RIMS4: variants seen among roughly 807,000 people sequenced by gnomAD.
RIMS4 encodes the protein regulating synaptic membrane exocytosis protein 4.
RIMS4 carries 9 observed loss-of-function variants against 29.0 expected under a neutral mutation model. That is an observed-to-expected ratio of 0.31 (90% confidence interval 0.19 to 0.54). The LOEUF (loss-of-function observed/expected upper bound fraction) is 0.54, where lower values mean the gene tolerates loss of function less well. Ranked by LOEUF, RIMS4 falls within the 20% of genes least tolerant of loss-of-function variation. RIMS4 has a pLI of 0.94. For missense variants in RIMS4, 193 were observed against 365.7 expected (o/e 0.53, Z 3.85); for synonymous variants, 130 against 152.9 (o/e 0.85, Z 1.10).
chr20:44,787,411 T>C (rs1391825845), intron 1 of RIMS4, among the ~76,000 whole-genome samples: 1 of 152,208 alleles, frequency 6.6e-6, no homozygotes, highest in Non-Finnish European at 1.5e-5. Flanking sequence ...TTTGTTTATC[T>C]AATCCCCACA....
At chr20:44,772,965 C>G (rs1020371184) in intron 1 of RIMS4, among the ~76,000 whole-genome samples, 7 of 152,220 alleles carry the variant, frequency 4.6e-5, no homozygotes, top group African/African-American at 1.7e-4. Flanking sequence ...TACACACACA[C>G]ATGCATGCGT....
chr20:44,786,955 GA>G (rs1279582078), intron 1 of RIMS4, among the ~76,000 whole-genome samples: 1 of 152,138 alleles, frequency 6.6e-6, no homozygotes, highest in African/African-American at 2.4e-5. Context: ...ACAAGACAAG[GA>G]AAAACGAACT....
chr20:44,802,400 C>T (rs1273230307), intron 1 of RIMS4, among the ~76,000 whole-genome samples: 5 of 152,196 alleles, frequency 3.3e-5, no homozygotes, highest in African/African-American at 9.7e-5. Context: ...AACTTGCCTA[C>T]AGTCATACAA....
intron 1 of RIMS4, among the ~76,000 whole-genome samples, chr20:44,800,337 G>A (rs780178797): frequency 6.6e-6 from 1 of 151,974 alleles, no homozygotes; most frequent in Non-Finnish European, 1.5e-5. Flanking sequence ...GGTGCTGTTC[G>A]GCTTTTTTAC....
At chr20:44,789,527 G>T (rs2145469822) in intron 1 of RIMS4, among the ~76,000 whole-genome samples, 1 of 152,116 alleles carries the variant, frequency 6.6e-6, no homozygotes, top group East Asian at 1.9e-4. Context: ...CAATCTCCTG[G>T]CCTCGTGATC....
intron 2 of RIMS4, among the ~76,000 whole-genome samples, chr20:44,768,654 G>A (rs1271227817): frequency 2.0e-5 from 3 of 152,168 alleles, no homozygotes; most frequent in Non-Finnish European, 2.9e-5. Flanking sequence ...TTTTCAGGAG[G>A]CCAAGACTGT....
At chr20:44,787,533 G>A (rs1338181723) in intron 1 of RIMS4, among the ~76,000 whole-genome samples, 2 of 152,170 alleles carry the variant, frequency 1.3e-5, no homozygotes, top group South Asian at 2.1e-4. Context: ...AACACCGGCC[G>A]CCTGGAGCCA....
intron 1 of RIMS4, among the ~76,000 whole-genome samples, chr20:44,790,097 G>C (rs1391524819): frequency 6.6e-6 from 1 of 152,266 alleles, no homozygotes; most frequent in Non-Finnish European, 1.5e-5. Context: ...TCGCCTGGGA[G>C]CTTGTGAAGC....
In RIMS4 at chr20:44,755,830, G is replaced by C. The variant is rs8116735; in HGVS notation, c.*304C>G. 3.0e-6 allele frequency: 1 copy of C among 336,888 alleles called. No individual in the cohort carries two copies. The highest frequency in any genetic ancestry group is 2.0e-5 in the African/African-American group (1 of 49,146). 20.9% of individuals were successfully genotyped at this position (336,888 alleles called of 1,614,324 possible). On this transcript the variant is annotated 3_prime_UTR_variant, in exon 6 of 6. Transcript: ENST00000372851. ...AAGGGGGAGAAGTTGGACAGTTTGG[G>C]AAGGGAGAGTGGTCTGCTCTGCCAC...
intron 2 of RIMS4, among the ~76,000 whole-genome samples, chr20:44,762,993 A>G (rs1351278087): frequency 3.3e-5 from 5 of 152,204 alleles, no homozygotes; most frequent in African/African-American, 1.2e-4. Flanking sequence ...GTGCTGTCTC[A>G]GTTTCAAATG....
intron 1 of RIMS4, among the ~76,000 whole-genome samples, chr20:44,806,549 T>G (rs1378744963): frequency 1.3e-5 from 2 of 152,322 alleles, no homozygotes; most frequent in African/African-American, 4.8e-5. Flanking sequence ...CTATTAAAAT[T>G]ATAAAGCTAG....
At chr20:44,801,861 C>T (rs1301457508) in intron 1 of RIMS4, among the ~76,000 whole-genome samples, 1 of 152,160 alleles carries the variant, frequency 6.6e-6, no homozygotes, top group Non-Finnish European at 1.5e-5. Context: ...GTCCCAGCAT[C>T]TAAGACATCA....
At chr20:44,768,752 G>A (rs935575895) in intron 2 of RIMS4, among the ~76,000 whole-genome samples, 1 of 152,140 alleles carries the variant, frequency 6.6e-6, no homozygotes, top group Non-Finnish European at 1.5e-5. Flanking sequence ...TTTAGTAATC[G>A]TAATCCTCAC....
At chr20:44,789,020 C>T (rs1601037757) in intron 1 of RIMS4, among the ~76,000 whole-genome samples, 1 of 151,982 alleles carries the variant, frequency 6.6e-6, no homozygotes, top group African/African-American at 2.4e-5. Context: ...CCCAACCACA[C>T]TTAGTGTCAT....
At position 44,755,991 on chromosome 20, in the gene RIMS4, A is replaced by G; in HGVS notation, c.*143T>C. On this transcript the variant is annotated 3_prime_UTR_variant, in exon 6 of 6. Coordinates refer to ENST00000372851, the MANE Select transcript of RIMS4 (RefSeq NM_182970.4). The stretch of plus-strand genomic sequence containing the variant: ...CAAAGAAGGGGTGAGGAGGGGCCCA[A>G]GGGGGGGCAGGTCTCCCCGTTCTGC... 1.5e-6 allele frequency: 1 copy of G among 679,174 alleles called. No homozygotes were observed. The highest frequency in any genetic ancestry group is 2.5e-6 in the Non-Finnish European group (1 of 393,280). The allele number at this position is 679,174 out of a possible 1,614,324, so 42.1% of individuals were successfully genotyped here.
At chr20:44,781,021 A>G (rs897875187) in intron 1 of RIMS4, among the ~76,000 whole-genome samples, 8 of 152,212 alleles carry the variant, frequency 5.3e-5, no homozygotes, top group African/African-American at 1.9e-4. Context: ...CCAACAAAAT[A>G]TACATTTATT....
intron 1 of RIMS4, among the ~76,000 whole-genome samples, chr20:44,800,381 T>G (rs2066272737): frequency 6.6e-6 from 1 of 151,940 alleles, no homozygotes; most frequent in African/African-American, 2.4e-5. Flanking sequence ...AATAACAGCA[T>G]AAAGCATTAT....
At chr20:44,764,713 AC>A (rs1173946699) in intron 2 of RIMS4, among the ~76,000 whole-genome samples, 1 of 152,190 alleles carries the variant, frequency 6.6e-6, no homozygotes, top group African/African-American at 2.4e-5. Flanking sequence ...TTCTTCATTC[AC>A]CCAGTGCTCC....
At chr20:44,809,822 C>T (rs2066315456) in intron 1 of RIMS4, among the ~76,000 whole-genome samples, 1 of 151,908 alleles carries the variant, frequency 6.6e-6, no homozygotes, top group Non-Finnish European at 1.5e-5. Flanking sequence ...GGCCAAAGCC[C>T]AGGGCTTGAA....
Sources: allele counts gnomAD v4.1 joint callset (sites outside exome capture counted in the v4.1 genomes callset), GRCh38; gene constraint gnomAD v4.1.1; transcripts MANE v1.5; gene names NCBI Gene and HGNC (gene_info 2026-07-23, HGNC 2026-07-21).